Variants in FXN observed in about 807,000 individuals in gnomAD.
FXN encodes the protein frataxin.
A neutral mutation model predicts 22.4 loss-of-function variants in FXN; 14 were observed. The observed-to-expected ratio is 0.62, with a 90% CI of 0.41 to 0.98. The LOEUF (loss-of-function observed/expected upper bound fraction) is 0.98, where lower values mean the gene tolerates loss of function less well. Ranked by LOEUF, FXN falls within the 50% of genes least tolerant of loss-of-function variation. The pLI is 0.00. For missense variants in FXN, 267 were observed against 268.4 expected (o/e 0.99, Z 0.04); for synonymous variants, 120 against 114.1 (o/e 1.05, Z -0.33).
At chr9:69,049,147 G>A (rs543163058) in intron 2 of FXN, among the ~76,000 whole-genome samples, 2 of 152,254 alleles carry the variant, frequency 1.3e-5, no homozygotes, top group African/African-American at 2.4e-5. Context: ...AAGACAGCCC[G>A]CTTCTGCCAG....
At chr9:69,041,719 C>T (rs1389587441) in intron 1 of FXN, among the ~76,000 whole-genome samples, 1 of 152,162 alleles carries the variant, frequency 6.6e-6, no homozygotes, top group African/African-American at 2.4e-5. Flanking sequence ...CAGTCCTTAC[C>T]AGGGGGTAGG....
intron 1 of FXN, among the ~76,000 whole-genome samples, chr9:69,039,954 T>G (rs963320895): frequency 2.6e-5 from 4 of 152,152 alleles, no homozygotes; most frequent in African/African-American, 7.2e-5. Context: ...AGGTGTCTTT[T>G]TCTTTTCTTA....
chr9:69,062,580 A>C (rs1564337159), intron 3 of FXN, among the ~76,000 whole-genome samples: 1 of 152,240 alleles, frequency 6.6e-6, no homozygotes, highest in Non-Finnish European at 1.5e-5. Flanking sequence ...ACAAATACTT[A>C]TGATTCCACT....
intron 4 of FXN, among the ~76,000 whole-genome samples, chr9:69,067,333 C>A (rs781606112): frequency 6.6e-6 from 1 of 152,248 alleles, no homozygotes; most frequent in Admixed American, 6.5e-5. Flanking sequence ...GCGGGAGCGC[C>A]GTGTAGCTGT....
chr9:69,048,455 G>A, intron 2 of FXN, among the ~76,000 whole-genome samples: 1 of 151,854 alleles, frequency 6.6e-6, no homozygotes. Context: ...AATACAAAAA[G>A]TTAGCCAGGC....
chr9:69,040,761 A>G (rs191593935), intron 1 of FXN, among the ~76,000 whole-genome samples: 8 of 152,216 alleles, frequency 5.3e-5, no homozygotes, highest in Non-Finnish European at 1.0e-4. Context: ...CCCACCATTC[A>G]TATGTTAAAA....
chr9:69,067,115 G>A (rs1832180925), intron 4 of FXN, among the ~76,000 whole-genome samples: 2 of 152,240 alleles, frequency 1.3e-5, no homozygotes, highest in Admixed American at 6.5e-5. Flanking sequence ...GCGGCAAGAC[G>A]GCAGCTCCCA....
rs3066311 is a variant in FXN at position 69,074,200 on chromosome 9, T to TAAAATA, written c.*1439_*1440insAAATAA. 11 of 889,886 alleles carry TAAAATA rather than the reference T, an allele frequency of 1.2e-5. No homozygotes were observed. The highest frequency in any genetic ancestry group is 1.1e-4 in the African/African-American group (6 of 55,104). 55.1% of individuals were successfully genotyped at this position (889,886 alleles called of 1,614,324 possible). On this transcript the variant is annotated 3_prime_UTR_variant, in exon 5 of 5. Transcript: ENST00000484259. ...CTCTGTCTCAAAATAATAATAACAA[T>TAAAATA]ATAATAATAATAATAGCCATCCTTT...
chr9:69,057,152 C>G (rs374156472), intron 3 of FXN, among the ~76,000 whole-genome samples: 1 of 152,148 alleles, frequency 6.6e-6, no homozygotes. Flanking sequence ...GGGAATAGAA[C>G]GAGTCCTGTT....
At chr9:69,055,123 C>T (rs1831931969) in intron 3 of FXN, among the ~76,000 whole-genome samples, 1 of 152,156 alleles carries the variant, frequency 6.6e-6, no homozygotes, top group Non-Finnish European at 1.5e-5. Flanking sequence ...CTGTTAGCAG[C>T]AAAAAATGCA....
intron 3 of FXN, among the ~76,000 whole-genome samples, chr9:69,053,889 G>A (rs1564333840): frequency 2.0e-5 from 3 of 152,326 alleles, no homozygotes; most frequent in South Asian, 4.1e-4. Context: ...GGATTCTAAT[G>A]TGTATCCCTA....
chr9:69,036,076 C>T, intron 1 of FXN, 129 bp downstream of exon 1: 1 of 803,666 alleles, frequency 1.2e-6, no homozygotes. Context: ...CACCCCGCTC[C>T]TTCTCAGGGC....
intron 1 of FXN, among the ~76,000 whole-genome samples, chr9:69,041,590 A>C (rs1380100738): frequency 6.6e-6 from 1 of 152,166 alleles, no homozygotes; most frequent in Non-Finnish European, 1.5e-5. Context: ...GTGCCAGTTC[A>C]TCCTCCCCTG....
chr9:69,073,565 A>T lies in FXN; in HGVS notation c.*803A>T. 7.1e-6 allele frequency: 7 copies of T among 985,440 alleles called. No individual in the cohort carries two copies. Among genetic ancestry groups the T allele is most frequent in the Non-Finnish European group, 8.4e-6 (7 of 829,968 alleles). 61.0% of individuals were successfully genotyped at this position (985,440 alleles called of 1,614,324 possible). On this transcript the variant is annotated 3_prime_UTR_variant, in exon 5 of 5. Transcript: ENST00000484259. ...CATGGAGCTGAGGAGGTGCCTTGTA[A>T]ACATGAAGGGGCAGATAAAGGAAGG...
intron 3 of FXN, among the ~76,000 whole-genome samples, chr9:69,054,322 GA>G (rs1488764576): frequency 6.6e-6 from 1 of 152,158 alleles, no homozygotes; most frequent in Non-Finnish European, 1.5e-5. Flanking sequence ...TTCTGAGTTG[GA>G]TGAAACATTA....
intron 3 of FXN, among the ~76,000 whole-genome samples, chr9:69,062,664 AAAAC>A (rs2133124205): frequency 6.6e-6 from 1 of 152,158 alleles, no homozygotes; most frequent in East Asian, 1.9e-4. Flanking sequence ...TTCAATTAAA[AAAAC>A]ATCTTTTTTT....
At chr9:69,046,318 A>C in intron 1 of FXN, 67 bp from the exon 2 acceptor site, 1 of 1,156,750 alleles carries the variant, frequency 8.6e-7, no homozygotes, top group Non-Finnish European at 1.3e-6. Flanking sequence ...AGCAATATAT[A>C]AATTATGCAT....
In FXN at chr9:69,075,758, T is replaced by A. The variant is rs1832354710; in HGVS notation, c.*2996T>A. The stretch of plus-strand genomic sequence containing the variant: ...CCCCTTTCTATTTTTTGAGACAGGA[T>A]CTCACTTTGGCACTCAGGCTGGAGG... On this transcript the variant is annotated 3_prime_UTR_variant, in exon 5 of 5. Transcript: ENST00000484259. 1.1e-6 allele frequency: 1 copy of A among 947,688 alleles called. No individual in the cohort carries two copies. Among genetic ancestry groups the A allele is most frequent in the Admixed American group, 6.2e-5 (1 of 16,212 alleles). The allele number at this position is 947,688 out of a possible 1,614,324, so 58.7% of individuals were successfully genotyped here. A position where few individuals can be genotyped will look rare whatever the true frequency, so the allele number is the denominator to read the frequency against.
At chr9:69,055,448 A>G (rs879751875) in intron 3 of FXN, among the ~76,000 whole-genome samples, 12 of 152,100 alleles carry the variant, frequency 7.9e-5, no homozygotes, top group Non-Finnish European at 1.5e-4. Flanking sequence ...TGTTAGAAGC[A>G]AATGTGCCAA....
Sources: gnomAD v4.1 joint callset for allele counts (sites outside exome capture counted in the v4.1 genomes callset) on GRCh38, gnomAD v4.1.1 for gene constraint, MANE v1.5 for transcripts, NCBI Gene and HGNC (gene_info 2026-07-23, HGNC 2026-07-21) for gene names.